The following LRCH2 variants were observed in gnomAD, a reference collection of about 807,000 sequenced individuals.
LRCH2 encodes the protein leucine rich repeats and calponin homology domain containing 2.
LRCH2 carries 38 observed loss-of-function variants against 68.9 expected under a neutral mutation model. The observed-to-expected ratio is 0.55, with a 90% CI of 0.43 to 0.72. LRCH2 has a LOEUF of 0.72. LRCH2 is among the 30% of genes least tolerant of loss of function. The pLI, the probability that LRCH2 is intolerant of heterozygous loss-of-function variation, is 0.00. For synonymous variants in LRCH2, 191 were observed against 208.1 expected (o/e 0.92, Z 0.71); for missense variants, 528 against 572.9 (o/e 0.92, Z 0.80).
intron 13 of LRCH2, 29 bp downstream of exon 13, chrX:115,149,993 G>C (rs2072419973): frequency 8.7e-7 from 1 of 1,147,480 alleles, no homozygotes; most frequent in Non-Finnish European, 1.2e-6. Context: ...CAAAATGATA[G>C]ATATAATTGT....
At chrX:115,127,504 T>C (rs782655729) in intron 15 of LRCH2, among the ~76,000 whole-genome samples, 1 of 111,734 alleles carries the variant, frequency 8.9e-6, no homozygotes, top group South Asian at 3.7e-4. Context: ...GTGAGAGTAC[T>C]GAAATTTAGT....
chrX:115,134,629 T>C (rs1199048458), intron 14 of LRCH2, among the ~76,000 whole-genome samples: 1 of 112,124 alleles, frequency 8.9e-6, no homozygotes, highest in Non-Finnish European at 1.9e-5. Flanking sequence ...GTTTACAGCA[T>C]GCTTTACTGA....
chrX:115,143,493 TC>T (rs1431493410), intron 14 of LRCH2, among the ~76,000 whole-genome samples: 1 of 111,181 alleles, frequency 9.0e-6, no homozygotes, highest in Non-Finnish European at 1.9e-5. Flanking sequence ...TAATAAATAG[TC>T]TCCCAGGAAA....
intron 1 of LRCH2, among the ~76,000 whole-genome samples, chrX:115,210,151 G>A (rs1346440633): frequency 2.7e-5 from 3 of 111,980 alleles, no homozygotes; most frequent in South Asian, 3.8e-4. Context: ...TCCAGGACCC[G>A]AATGTTAATC....
Position 115,152,642 on chromosome X carries a change from A to C in LRCH2, c.1530-2572T>G, listed in dbSNP as rs1339021051. On this transcript the variant is annotated intron_variant, in intron 12 of 20. Transcript: ENST00000317135. Reference sequence around the variant, plus strand: ...ACATCAATGTTCCATGGCAAACTTCAAGTGGCCTAATTGGAGTTCCATAAT... The same window carrying C: ...ACATCAATGTTCCATGGCAAACTTCCAGTGGCCTAATTGGAGTTCCATAAT... Among the ~76,000 whole-genome samples, 3 of 111,623 alleles carry C rather than the reference A, an allele frequency of 2.7e-5. No homozygotes were observed. In the South Asian group the frequency reaches 1.1e-3, roughly 42 times the overall value.
chrX:115,185,128 T>TA (rs782623848), intron 2 of LRCH2, among the ~76,000 whole-genome samples: 1 of 112,356 alleles, frequency 8.9e-6, no homozygotes, highest in Non-Finnish European at 1.9e-5. Context: ...TCAAAGTTGA[T>TA]AAAACATTCT....
intron 14 of LRCH2, among the ~76,000 whole-genome samples, chrX:115,133,312 G>T (rs1387050675): frequency 8.9e-6 from 1 of 112,129 alleles, no homozygotes; most frequent in African/African-American, 3.2e-5. Flanking sequence ...ATAAGGAAAA[G>T]AATTTGAATG....
Position 115,179,462 on chromosome X carries a change from A to T in LRCH2, c.829T>A (p.Leu277Met). 8.7e-7 allele frequency: 1 copy of T among 1,146,245 alleles called. No homozygotes were observed. Among genetic ancestry groups the T allele is most frequent in the East Asian group, 3.3e-5 (1 of 30,551 alleles). 94.5% of individuals were successfully genotyped at this position (1,146,245 alleles called of 1,213,427 possible). A position where few individuals can be genotyped will look rare whatever the true frequency, so the allele number is the denominator to read the frequency against. The change falls in exon 5 of 21, where the codon TTG becomes ATG. Residue 277 changes from leucine to methionine, a missense_variant. Coordinates refer to ENST00000317135, the MANE Select transcript of LRCH2 (RefSeq NM_020871.4). The part of the protein sequence containing the change: ...RKLHHLQVII[L>M]DNNPLQVPPA... ...GGTACTTGCAATGGATTGTTATCCA[A>T]AATTATTACTTGTAAATGATGCAGC...
intron 20 of LRCH2, among the ~76,000 whole-genome samples, chrX:115,116,848 A>C (rs2072087341): frequency 9.0e-6 from 1 of 111,202 alleles, no homozygotes; most frequent in Non-Finnish European, 1.9e-5. Flanking sequence ...CATAGGAAAG[A>C]AATCTTTGTG....
intron 1 of LRCH2, among the ~76,000 whole-genome samples, chrX:115,231,801 C>T (rs1448860888): frequency 8.9e-6 from 1 of 111,809 alleles, no homozygotes; most frequent in African/African-American, 3.2e-5. Flanking sequence ...ATATGGCTTA[C>T]ACCCTGCCTT....
intron 2 of LRCH2, among the ~76,000 whole-genome samples, chrX:115,186,550 C>T (rs369278507): frequency 9.0e-6 from 1 of 111,033 alleles, no homozygotes; most frequent in East Asian, 2.8e-4. Context: ...TCAAAGTTGA[C>T]TTTTACAGAT....
chrX:115,180,472 G>T (rs1483857352), intron 3 of LRCH2, among the ~76,000 whole-genome samples: 1 of 109,113 alleles, frequency 9.2e-6, no homozygotes, highest in Non-Finnish European at 1.9e-5. Context: ...ACAGAAAAAA[G>T]AACAGTTTAA....
At chrX:115,191,396 G>A in intron 1 of LRCH2, 2 of 1,148,916 alleles carry the variant, frequency 1.7e-6, no homozygotes, top group South Asian at 1.9e-5. Context: ...GCCTACAGTG[G>A]GGGCCACGAC....
chrX:115,209,302 G>A (rs782274152), intron 1 of LRCH2, among the ~76,000 whole-genome samples: 4 of 112,131 alleles, frequency 3.6e-5, no homozygotes, highest in Non-Finnish European at 7.5e-5. Context: ...GAATTCCCAC[G>A]TGTTGTGGGA....
At chrX:115,122,453 T>C in intron 20 of LRCH2, 74 bp downstream of exon 20, 1 of 851,733 alleles carries the variant, frequency 1.2e-6, no homozygotes, top group Non-Finnish European at 1.7e-6. Flanking sequence ...TATTCATTGC[T>C]CTAAGAAGAA....
chrX:115,215,400 C>A (rs1307663186), intron 1 of LRCH2, among the ~76,000 whole-genome samples: 1 of 110,911 alleles, frequency 9.0e-6, no homozygotes, highest in Non-Finnish European at 1.9e-5. Context: ...GACCAAGACG[C>A]ATATGAAAAT....
chrX:115,117,521 C>T (rs1039568886), intron 20 of LRCH2, among the ~76,000 whole-genome samples: 6 of 111,003 alleles, frequency 5.4e-5, no homozygotes, highest in Non-Finnish European at 1.1e-4. Flanking sequence ...TTGTAGCAGC[C>T]GCTAAAACTG....
chrX:115,189,758 G>T, intron 1 of LRCH2: 1 of 1,167,187 alleles, frequency 8.6e-7, no homozygotes, highest in Non-Finnish European at 1.1e-6. Flanking sequence ...AGTCGCTCAA[G>T]GTTCTCACAC....
rs1556526613 is a variant in LRCH2 at position 115,123,191 on chromosome X, A to G, written c.1851T>C (p.Ala617=). The G allele has an allele frequency of 8.3e-7, 1 of 1,197,696 alleles. No homozygotes were observed. The highest frequency in any genetic ancestry group is 2.2e-5 in the Admixed American group (1 of 44,843). Reference sequence around the variant, plus strand: ...ATTCTTGGCGAGATGAGCGGCTAAAAGCTATAAAAACAGAAATTTCCTAAC... The same window carrying G: ...ATTCTTGGCGAGATGAGCGGCTAAAGGCTATAAAAACAGAAATTTCCTAAC... The part of the protein sequence containing the change: ...HSPFGLKPRS[A]FSRSSRQEYG... Residue 617 remains alanine (A), a splice_region_variant and synonymous_variant, in exon 18 of 21, where the codon GCT becomes GCC. Transcript: ENST00000317135.
Sources: allele counts gnomAD v4.1 joint callset (sites outside exome capture counted in the v4.1 genomes callset), GRCh38; gene constraint gnomAD v4.1.1; transcripts MANE v1.5; gene names NCBI Gene and HGNC (gene_info 2026-07-23, HGNC 2026-07-21).